Variants in MICAL3 observed in about 807,000 individuals in gnomAD.
The protein encoded by MICAL3 is microtubule associated monooxygenase, calponin and LIM domain containing 3.
MICAL3 carries 62 observed loss-of-function variants against 207.4 expected under a neutral mutation model. The ratio of observed to expected loss-of-function variants is 0.30; its 90% CI spans 0.24 to 0.37. MICAL3 has a LOEUF of 0.37. Among genes scored for constraint, MICAL3 ranks in the 10% least tolerant of loss-of-function variants. MICAL3 has a pLI of 1.00. For synonymous variants in MICAL3, 1,077 were observed against 1,069.3 expected (o/e 1.01, Z -0.14); for missense variants, 2,368 against 2,635.6 (o/e 0.90, Z 2.22).
At chr22:17,918,672 T>C (rs1932692196) in intron 1 of MICAL3, among the ~76,000 whole-genome samples, 1 of 151,854 alleles carries the variant, frequency 6.6e-6, no homozygotes, top group African/African-American at 2.4e-5. Context: ...TTCCCTCTGT[T>C]GCCTCCTTTC....
chr22:17,887,854 T>C (rs1030766483), intron 13 of MICAL3, among the ~76,000 whole-genome samples: 2 of 152,132 alleles, frequency 1.3e-5, no homozygotes, highest in Admixed American at 6.5e-5. Context: ...TTTTAGTGTA[T>C]GCAGATGCCA....
intron 16 of MICAL3, chr22:17,881,116 A>C: frequency 9.3e-7 from 1 of 1,079,164 alleles, no homozygotes; most frequent in Admixed American, 2.0e-5. Flanking sequence ...TGCTGGTAAG[A>C]GGGAAAGTGA....
intron 1 of MICAL3, chr22:18,004,190 G>C (rs1341125292): frequency 6.6e-6 from 1 of 152,128 alleles, no homozygotes; most frequent in East Asian, 1.9e-4. Flanking sequence ...CTAGCTTACA[G>C]AGCTTCCATT....
intron 29 of MICAL3, among the ~76,000 whole-genome samples, chr22:17,799,658 C>G (rs767733592): frequency 4.6e-5 from 7 of 152,216 alleles, no homozygotes; most frequent in Non-Finnish European, 1.0e-4. Context: ...AGTCTAAAAC[C>G]TCGGGCGATG....
intron 1 of MICAL3, among the ~76,000 whole-genome samples, chr22:17,919,044 T>G (rs1002778271): frequency 6.6e-6 from 1 of 151,690 alleles, no homozygotes; most frequent in Non-Finnish European, 1.5e-5. Context: ...TACCACAACT[T>G]GACATACTCC....
At position 17,836,980 on chromosome 22, in the gene MICAL3, G is replaced by A. The variant is rs559130659; in HGVS notation, c.2801+4842C>T. Among the ~76,000 whole-genome samples the A allele has an allele frequency of 3.9e-5, 6 of 152,284 alleles. No homozygotes were observed. The South Asian group carries it at 6.2e-4, about 16-fold the overall frequency. On this transcript the variant is annotated intron_variant, in intron 20 of 31. Coordinates refer to ENST00000441493, the MANE Select transcript of MICAL3 (RefSeq NM_015241.3). ...TTTTTAAAGGGCAATGGGTAACCAT[G>A]GTTTTCACTTTTAAATTAACCTGCT...
At chr22:17,850,566 C>T (rs995984389) in intron 19 of MICAL3, among the ~76,000 whole-genome samples, 10 of 151,932 alleles carry the variant, frequency 6.6e-5, no homozygotes, top group African/African-American at 2.4e-4. Context: ...CGCCTGCCAT[C>T]ATGCCCGGCT....
intron 20 of MICAL3, among the ~76,000 whole-genome samples, chr22:17,837,120 C>T (rs1003461541): frequency 2.0e-5 from 3 of 152,262 alleles, no homozygotes; most frequent in Non-Finnish European, 4.4e-5. Context: ...AGATGCACAT[C>T]ATGCAGCAGG....
chr22:17,804,837 C>T (rs1293993808), intron 29 of MICAL3, among the ~76,000 whole-genome samples: 4 of 152,080 alleles, frequency 2.6e-5, no homozygotes, highest in East Asian at 1.9e-4. Flanking sequence ...TGGTAGAATG[C>T]GGTCCTGCCC....
chr22:17,885,805 A>G (rs1929817870), intron 16 of MICAL3, 73 bp downstream of exon 16: 3 of 1,492,908 alleles, frequency 2.0e-6, no homozygotes, highest in Non-Finnish European at 2.8e-6. Context: ...GCCCATCTCA[A>G]TGGATGGAAA....
intron 16 of MICAL3, among the ~76,000 whole-genome samples, chr22:17,879,991 T>C (rs538749629): frequency 2.0e-5 from 3 of 152,284 alleles, no homozygotes; most frequent in African/African-American, 4.8e-5. Flanking sequence ...GCCTTGCTCA[T>C]CCGAGGAGCC....
chr22:17,880,734 G>A (rs1049527645), intron 16 of MICAL3, among the ~76,000 whole-genome samples: 1 of 152,210 alleles, frequency 6.6e-6, no homozygotes, highest in African/African-American at 2.4e-5. Context: ...CAGTGGGGAG[G>A]AGTGTTTGTT....
chr22:17,898,459 G>A (rs1333284111), intron 7 of MICAL3, among the ~76,000 whole-genome samples: 2 of 152,200 alleles, frequency 1.3e-5, no homozygotes, highest in South Asian at 2.1e-4. Flanking sequence ...GAAAGAGGGG[G>A]CTCTCTGCCA....
chr22:17,950,177 T>TTTTTTTTTTTTGG (rs60017550), intron 1 of MICAL3, among the ~76,000 whole-genome samples: 1 of 151,596 alleles, frequency 6.6e-6, no homozygotes, highest in African/African-American at 2.4e-5. Context: ...TTTTTTTTTT[T>TTTTTTTTTTTTGG]GGAGACAAGA....
intron 16 of MICAL3, among the ~76,000 whole-genome samples, chr22:17,877,053 AGGGAGG>A: frequency 6.9e-6 from 1 of 145,780 alleles, no homozygotes; most frequent in South Asian, 2.2e-4. Context: ...TATGGAGGTT[AGGGAGG>A]TTATGGAGGT....
In MICAL3 at chr22:17,913,507, C is replaced by T. The variant is rs572812751; in HGVS notation, c.-74-6621G>A. On this transcript the variant is annotated intron_variant, in intron 1 of 31. Coordinates refer to ENST00000441493, the MANE Select transcript of MICAL3 (RefSeq NM_015241.3). ...CCAGGAATGCAACAGTCAGCCTGGGCGGGCAGTGACAGTCTAACAGGAACA... is the reference window on the plus strand; with the variant it reads ...CCAGGAATGCAACAGTCAGCCTGGGTGGGCAGTGACAGTCTAACAGGAACA... Among the ~76,000 whole-genome samples, 18 of 152,152 alleles carry T rather than the reference C, an allele frequency of 1.2e-4. 1 individual carries two copies. Among genetic ancestry groups the T allele is most frequent in the South Asian group, 8.3e-4 (4 of 4,816 alleles).
chr22:17,875,498 A>C, intron 16 of MICAL3: 1 of 1,556,302 alleles, frequency 6.4e-7, no homozygotes, highest in South Asian at 1.2e-5. Flanking sequence ...AGGAGCGGAG[A>C]CTAAGAGAAA....
At chr22:17,945,413 G>A (rs918969076) in intron 1 of MICAL3, among the ~76,000 whole-genome samples, 1 of 152,176 alleles carries the variant, frequency 6.6e-6, no homozygotes, top group Non-Finnish European at 1.5e-5. Flanking sequence ...GCCAACATCC[G>A]CTGTGGGCTC....
At position 17,818,378 on chromosome 22, in the gene MICAL3, A is replaced by G; in HGVS notation, c.4283T>C (p.Leu1428Pro). ...GTTGGAGGAGCTCCCGTGCAGGCCC[A>G]GGCCAGAGCTGCTGGACAGCTCCCT... is the stretch of plus-strand genomic sequence containing the variant. ...ERRELSSSSG[L>P]GLHGSSSNMK... Residue 1428 changes from leucine (L) to proline (P), a missense_variant, in exon 26 of 32, where the codon CTG (leucine) becomes CCG (proline). Leu to Pro is a moderately conservative substitution (Grantham distance 98). Coordinates refer to ENST00000441493, the MANE Select transcript of MICAL3 (RefSeq NM_015241.3). 1 of 1,607,362 alleles carries G rather than the reference A, an allele frequency of 6.2e-7. No individual in the cohort carries two copies. The highest frequency in any genetic ancestry group is 8.5e-7 in the Non-Finnish European group (1 of 1,178,312).
Sources: allele counts gnomAD v4.1 joint callset (sites outside exome capture counted in the v4.1 genomes callset), GRCh38; gene constraint gnomAD v4.1.1; transcripts MANE v1.5; gene names NCBI Gene and HGNC (gene_info 2026-07-23, HGNC 2026-07-21).